SYK: variants seen among roughly 807,000 people sequenced by gnomAD.
SYK encodes the protein spleen associated tyrosine kinase, also known as tyrosine-protein kinase SYK.
In SYK, 16 loss-of-function variants were observed where a neutral mutation model predicts 77.8. That is an observed-to-expected ratio of 0.21 (90% CI 0.14 to 0.31). The LOEUF (loss-of-function observed/expected upper bound fraction) is 0.31, where lower values mean the gene tolerates loss of function less well. SYK is among the 10% of genes least tolerant of loss of function. The pLI is 1.00. For synonymous variants in SYK, 312 were observed against 308.7 expected (o/e 1.01, Z -0.11); for missense variants, 529 against 814.4 (o/e 0.65, Z 4.26).
intron 11 of SYK, among the ~76,000 whole-genome samples, chr9:90,885,513 C>T (rs1256849806): frequency 6.6e-6 from 1 of 152,138 alleles, no homozygotes; most frequent in East Asian, 1.9e-4. Flanking sequence ...AAAGAATGAG[C>T]AAACCCTTCA....
chr9:90,847,337 A>C (rs1826638293), intron 3 of SYK, among the ~76,000 whole-genome samples: 1 of 152,210 alleles, frequency 6.6e-6, no homozygotes, highest in Admixed American at 6.5e-5. Context: ...CCTGTGAGAG[A>C]GGGGCCTGGG....
intron 7 of SYK, among the ~76,000 whole-genome samples, chr9:90,868,843 T>A (rs1313884030): frequency 6.6e-6 from 1 of 152,218 alleles, no homozygotes; most frequent in African/African-American, 2.4e-5. Flanking sequence ...ATCATGTACA[T>A]GTGAAGGTGT....
Position 90,897,239 on chromosome 9 carries a change from G to T in SYK, c.*1639G>T, listed in dbSNP as rs181141508. 75 of 230,866 alleles carry T rather than the reference G, an allele frequency of 3.2e-4. No homozygotes were observed. In the Admixed American group the frequency reaches 3.4e-3, roughly 11 times the overall value. The allele number at this position is 230,866 out of a possible 1,614,324, so 14.3% of individuals were successfully genotyped here. A position where few individuals can be genotyped will look rare whatever the true frequency, so the allele number is the denominator to read the frequency against. ...CCAAGCTCAGCCACAGAAGACAGGA[G>T]TCACTCATATAACTTGTGTTTAGAA... On this transcript the variant is annotated 3_prime_UTR_variant, in exon 14 of 14. Coordinates refer to ENST00000375754, the MANE Select transcript of SYK (RefSeq NM_003177.7).
intron 9 of SYK, among the ~76,000 whole-genome samples, chr9:90,876,684 C>T (rs167063): frequency 0.31 from 47,317 of 151,952 alleles, 8,032 homozygotes; most frequent in East Asian, 0.6. Flanking sequence ...AGGAGAGGCT[C>T]TCTCGGTCAA....
Position 90,877,629 on chromosome 9 carries a change from A to G in SYK, c.1240A>G (p.Lys414Glu). Reference sequence around the variant, plus strand: ...AAACGAGGCCAATGACCCCGCTCTTAAAGATGAGTTATTAGCAGAAGCAAA... The same window carrying G: ...AAACGAGGCCAATGACCCCGCTCTTGAAGATGAGTTATTAGCAGAAGCAAA... ...LKNEANDPALKDELLAEANVM... is the reference protein window; with the variant it reads ...LKNEANDPALEDELLAEANVM... Residue 414 changes from lysine to glutamate, a missense_variant, in exon 10 of 14, where the codon AAA becomes GAA. Physicochemically the swap from Lys to Glu is moderately conservative, Grantham distance 56. Coordinates refer to ENST00000375754, the MANE Select transcript of SYK (RefSeq NM_003177.7). 6.2e-7 allele frequency: 1 copy of G among 1,614,258 alleles called. No individual in the cohort carries two copies. The highest frequency in any genetic ancestry group is 8.5e-7 in the Non-Finnish European group (1 of 1,180,038).
chr9:90,865,821 G>A (rs1264026099), intron 6 of SYK, among the ~76,000 whole-genome samples: 3 of 151,500 alleles, frequency 2.0e-5, no homozygotes, highest in African/African-American at 7.3e-5. Context: ...AGCCTGTTAG[G>A]AAGTCAGGTA....
chr9:90,812,787 GA>G (rs1661138428), intron 1 of SYK, among the ~76,000 whole-genome samples: 1 of 43,616 alleles, frequency 2.3e-5, no homozygotes. Context: ...GTGAGAGAGA[GA>G]GATTGAGAGA....
chr9:90,816,335 G>A (rs930624965), intron 1 of SYK, among the ~76,000 whole-genome samples: 8 of 152,156 alleles, frequency 5.3e-5, no homozygotes, highest in African/African-American at 1.4e-4. Flanking sequence ...TTTCGACAGA[G>A]ACATCAGAAC....
At chr9:90,835,425 T>C (rs1347110207) in intron 1 of SYK, among the ~76,000 whole-genome samples, 1 of 152,156 alleles carries the variant, frequency 6.6e-6, no homozygotes, top group Non-Finnish European at 1.5e-5. Flanking sequence ...TTGGGTGATA[T>C]GAAATTGTTT....
intron 7 of SYK, among the ~76,000 whole-genome samples, 160 bp downstream of exon 7, chr9:90,867,359 A>T (rs1475002836): frequency 2.0e-5 from 3 of 152,154 alleles, no homozygotes; most frequent in African/African-American, 7.2e-5. Context: ...GTTCCTGGGC[A>T]GCCGCGCCCC....
intron 13 of SYK, among the ~76,000 whole-genome samples, chr9:90,890,850 G>A (rs1219536585): frequency 1.3e-5 from 2 of 152,204 alleles, no homozygotes; most frequent in Non-Finnish European, 1.5e-5. Context: ...CTCACGCCAA[G>A]GAAATCAAAG....
intron 1 of SYK, among the ~76,000 whole-genome samples, chr9:90,817,913 G>A (rs1825354891): frequency 6.6e-6 from 1 of 151,616 alleles, no homozygotes; most frequent in South Asian, 2.1e-4. Flanking sequence ...GAGAGAGGGT[G>A]AAAGAGAGAG....
chr9:90,848,587 T>C (rs1159011634), intron 3 of SYK, among the ~76,000 whole-genome samples: 2 of 152,256 alleles, frequency 1.3e-5, no homozygotes, highest in Non-Finnish European at 2.9e-5. Flanking sequence ...TTTCCCACTG[T>C]TCTTCTCGGG....
chr9:90,809,066 C>G (rs1031298264), intron 1 of SYK, among the ~76,000 whole-genome samples: 2 of 152,202 alleles, frequency 1.3e-5, no homozygotes, highest in African/African-American at 4.8e-5. Context: ...TTAACAACAC[C>G]AATCAGCTGA....
In SYK at chr9:90,897,862, G is replaced by A. The variant is rs201514338; in HGVS notation, c.*2262G>A. ...CGAGGAAGTCTTTTCTAGTGAAAAT[G>A]TGTCTTGTGGTCAGGAATAATTATC... On this transcript the variant is annotated 3_prime_UTR_variant, in exon 14 of 14. Transcript: ENST00000375754. 5 of 224,118 alleles carry A rather than the reference G, an allele frequency of 2.2e-5. No individual in the cohort carries two copies. The highest frequency in any genetic ancestry group is 5.7e-5 in the Admixed American group (1 of 17,486). 13.9% of individuals were successfully genotyped at this position (224,118 alleles called of 1,614,324 possible). A position where few individuals can be genotyped will look rare whatever the true frequency, so the allele number is the denominator to read the frequency against.
intron 12 of SYK, 53 bp from the exon 13 acceptor site, chr9:90,888,462 T>C: frequency 7.2e-7 from 1 of 1,395,720 alleles, no homozygotes; most frequent in Non-Finnish European, 9.7e-7. Context: ...TTTGTTTTGT[T>C]TGACTAACAC....
At chr9:90,858,242 T>C (rs950602141) in intron 3 of SYK, among the ~76,000 whole-genome samples, 1 of 152,192 alleles carries the variant, frequency 6.6e-6, no homozygotes, top group Non-Finnish European at 1.5e-5. Flanking sequence ...GCACAAGGCC[T>C]GCTCACCCCA....
At chr9:90,892,222 A>C (rs1172665) in intron 13 of SYK, among the ~76,000 whole-genome samples, 61,411 of 152,012 alleles carry the variant, frequency 0.4, 13,142 homozygotes, top group African/African-American at 0.53. Flanking sequence ...AGAAGGAGTA[A>C]ATTTTCTAGA....
chr9:90,864,183 C>G (rs989854834), intron 4 of SYK, among the ~76,000 whole-genome samples: 4 of 152,212 alleles, frequency 2.6e-5, no homozygotes, highest in Admixed American at 2.0e-4. Flanking sequence ...TTTCAATATT[C>G]TTTACTGTAG....
Sources: allele counts gnomAD v4.1 joint callset (sites outside exome capture counted in the v4.1 genomes callset), GRCh38; gene constraint gnomAD v4.1.1; transcripts MANE v1.5; gene names NCBI Gene and HGNC (gene_info 2026-07-23, HGNC 2026-07-21).